The following ZC3H12B variants were observed in gnomAD, a reference collection of about 807,000 sequenced individuals.
ZC3H12B encodes zinc finger CCCH-type containing 12B.
In ZC3H12B, 7 loss-of-function variants were observed where a neutral mutation model predicts 43.9. That is an observed-to-expected ratio of 0.16 (90% confidence interval 0.09 to 0.30). ZC3H12B has a LOEUF of 0.30. ZC3H12B is among the 10% of genes least tolerant of loss of function. ZC3H12B has a pLI of 1.00. For synonymous variants in ZC3H12B, 222 were observed against 241.7 expected (o/e 0.92, Z 0.76); for missense variants, 475 against 670.2 (o/e 0.71, Z 3.22).
chrX:65,132,296 A>G, the ZC3H12B span, among the ~76,000 whole-genome samples: 3 of 111,202 alleles, frequency 2.7e-5, no homozygotes, highest in South Asian at 3.8e-4. Context: ...GTAAAATGGG[A>G]GAATTGTAAG....
chrX:65,480,475 C>T (rs987667357), intron 3 of ZC3H12B, among the ~76,000 whole-genome samples: 1 of 112,167 alleles, frequency 8.9e-6, no homozygotes, highest in Non-Finnish European at 1.9e-5. Context: ...GTATAACTAG[C>T]TAATGTCAAA....
chrX:65,437,011 G>A (rs981708030), intron 3 of ZC3H12B, among the ~76,000 whole-genome samples: 3 of 110,058 alleles, frequency 2.7e-5, no homozygotes, highest in South Asian at 3.9e-4. Flanking sequence ...GTAGTACAGT[G>A]GTGGGATCTT....
the ZC3H12B span, among the ~76,000 whole-genome samples, chrX:65,258,945 G>A: frequency 2.4e-4 from 27 of 111,687 alleles, no homozygotes; most frequent in African/African-American, 8.8e-4. Context: ...GAAGCATTCC[G>A]TGCTCATGGA....
the ZC3H12B span, among the ~76,000 whole-genome samples, chrX:65,299,669 T>C: frequency 8.9e-6 from 1 of 112,267 alleles, no homozygotes; most frequent in Non-Finnish European, 1.9e-5. Context: ...CAGGACTAAA[T>C]TGCAGCTTCC....
chrX:65,299,586 G>A, the ZC3H12B span, among the ~76,000 whole-genome samples: 2 of 111,884 alleles, frequency 1.8e-5, no homozygotes, highest in Non-Finnish European at 3.8e-5. Flanking sequence ...AAGATGGATT[G>A]CCCTAGGTCT....
At chrX:65,174,824 C>T in the ZC3H12B span, among the ~76,000 whole-genome samples, 5 of 111,542 alleles carry the variant, frequency 4.5e-5, no homozygotes, top group Non-Finnish European at 7.5e-5. Context: ...GAAAGTGGGA[C>T]CTGCTGAATG....
chrX:65,189,648 G>GT, the ZC3H12B span, among the ~76,000 whole-genome samples: 3 of 102,199 alleles, frequency 2.9e-5, no homozygotes, highest in Non-Finnish European at 5.9e-5. Context: ...GGGGTTGTTT[G>GT]TTTTTTTCTT....
intron 2 of ZC3H12B, among the ~76,000 whole-genome samples, chrX:65,375,334 G>A (rs1202713288): frequency 9.0e-6 from 1 of 111,598 alleles, no homozygotes; most frequent in Non-Finnish European, 1.9e-5. Flanking sequence ...AGTGTTTTGG[G>A]GTTCTAAATA....
chrX:65,050,756 T>C, the ZC3H12B span, among the ~76,000 whole-genome samples: 5 of 111,876 alleles, frequency 4.5e-5, no homozygotes, highest in Non-Finnish European at 3.8e-5. Context: ...CCATCCTGGA[T>C]TCACAAGGAT....
chrX:65,424,081 A>G (rs1284219418), intron 3 of ZC3H12B, among the ~76,000 whole-genome samples: 3 of 111,673 alleles, frequency 2.7e-5, no homozygotes, highest in Non-Finnish European at 5.7e-5. Flanking sequence ...ATTGATTTGC[A>G]TCTGTTGAAC....
chrX:65,329,490 T>G, the ZC3H12B span, among the ~76,000 whole-genome samples: 1 of 89,184 alleles, frequency 1.1e-5, no homozygotes, highest in Non-Finnish European at 1.9e-5. Flanking sequence ...TTTCTCCCAT[T>G]TTGTAGGTTG....
the ZC3H12B span, among the ~76,000 whole-genome samples, chrX:65,212,235 G>T: frequency 0.011 from 7 of 614 alleles, no homozygotes; most frequent in South Asian, 0.059. Context: ...ATATTATATA[G>T]TATAATTATT....
At chrX:65,162,433 A>T in the ZC3H12B span, among the ~76,000 whole-genome samples, 24 of 111,547 alleles carry the variant, frequency 2.2e-4, no homozygotes, top group African/African-American at 6.8e-4. Flanking sequence ...TCTTTTCACA[A>T]AGTCCCTTAT....
the ZC3H12B span, among the ~76,000 whole-genome samples, chrX:65,229,510 C>T: frequency 1.8e-5 from 2 of 110,459 alleles, no homozygotes; most frequent in Admixed American, 9.7e-5. Flanking sequence ...AAAGCAATGG[C>T]AACAAAAGCC....
the ZC3H12B span, among the ~76,000 whole-genome samples, chrX:65,197,340 A>G: frequency 8.9e-6 from 1 of 112,294 alleles, no homozygotes; most frequent in South Asian, 3.7e-4. Context: ...CCAAGGCAAA[A>G]TCTCCTGTGC....
the ZC3H12B span, among the ~76,000 whole-genome samples, chrX:65,217,744 A>G: frequency 8.9e-6 from 1 of 112,256 alleles, no homozygotes; most frequent in African/African-American, 3.2e-5. Context: ...GGGCTGTATG[A>G]AAATGCACAG....
At chrX:65,134,618 C>A in the ZC3H12B span, among the ~76,000 whole-genome samples, 1 of 111,131 alleles carries the variant, frequency 9.0e-6, no homozygotes, top group South Asian at 3.8e-4. Flanking sequence ...GTCTGAGGAC[C>A]CAAGGTCGTA....
the ZC3H12B span, among the ~76,000 whole-genome samples, chrX:65,302,226 ACTG>A: frequency 2.7e-5 from 3 of 111,101 alleles, no homozygotes; most frequent in Non-Finnish European, 5.7e-5. Context: ...GGAAGAAAAA[ACTG>A]CTTTTTTTTT....
chrX:65,358,196 G>T, the ZC3H12B span, among the ~76,000 whole-genome samples: 3 of 111,070 alleles, frequency 2.7e-5, no homozygotes, highest in Admixed American at 9.6e-5. Context: ...GATTCATGAA[G>T]CAAGTTCTTA....
Sources: gnomAD v4.1 joint callset for allele counts (sites outside exome capture counted in the v4.1 genomes callset) on GRCh38, gnomAD v4.1.1 for gene constraint, MANE v1.5 for transcripts, NCBI Gene and HGNC (gene_info 2026-07-23, HGNC 2026-07-21) for gene names.